The following SRGAP1 variants were observed in gnomAD, a reference collection of about 807,000 sequenced individuals.
The protein encoded by SRGAP1 is SLIT-ROBO Rho GTPase activating protein 1, also known as SLIT-ROBO Rho GTPase-activating protein 1.
SRGAP1 carries 43 observed loss-of-function variants against 121.9 expected under a neutral mutation model. The ratio of observed to expected loss-of-function variants is 0.35; its 90% CI spans 0.28 to 0.46. SRGAP1 has a LOEUF of 0.46. Among genes scored for constraint, SRGAP1 ranks in the 20% least tolerant of loss-of-function variants. SRGAP1 has a pLI of 1.00. For missense variants in SRGAP1, 1,102 were observed against 1,350.9 expected (o/e 0.82, Z 2.89); for synonymous variants, 447 against 485.4 (o/e 0.92, Z 1.04).
chr12:64,129,749 G>A (rs1413057451), intron 21 of SRGAP1, among the ~76,000 whole-genome samples: 5 of 152,186 alleles, frequency 3.3e-5, no homozygotes, highest in Non-Finnish European at 7.3e-5. Flanking sequence ...ATGCTGATAG[G>A]AAGTCAATAT....
Position 64,142,318 on chromosome 12 carries a change from A to C in SRGAP1, c.2904A>C (p.Thr968=), listed in dbSNP as rs1173305004. Reference sequence around the variant, plus strand: ...AGGATATTGAAGAAACGATGAACACAGCTTTGAATGAACTCCGAGAACTGG... The same window carrying C: ...AGGATATTGAAGAAACGATGAACACCGCTTTGAATGAACTCCGAGAACTGG... ...IAQDIEETMN[T]ALNELRELER... The change falls in exon 22 of 22, where the codon ACA becomes ACC. Residue 968 remains threonine, a synonymous_variant. Transcript: ENST00000355086. 1 of 1,613,876 alleles carries C rather than the reference A, an allele frequency of 6.2e-7. No individual in the cohort carries two copies. Among genetic ancestry groups the C allele is most frequent in the East Asian group, 2.2e-5 (1 of 44,868 alleles).
At chr12:63,971,280 A>C (rs2032940208) in intron 1 of SRGAP1, among the ~76,000 whole-genome samples, 1 of 152,230 alleles carries the variant, frequency 6.6e-6, no homozygotes. Flanking sequence ...TGATAATTAT[A>C]CAACTAATAG....
At position 63,845,034 on chromosome 12, in the gene SRGAP1, C is replaced by T. The variant is rs76897723; in HGVS notation, c.67+151C>T. ...TGAGCCACCTGGGCTTCCTACAAGC[C>T]AGTTAGTTCCCAGTTGCAATCCCAG... On this transcript the variant is annotated intron_variant, in intron 1 of 21. Coordinates refer to ENST00000355086, the MANE Select transcript of SRGAP1 (RefSeq NM_020762.4). 1.8e-3 allele frequency: 1,389 copies of T among 753,510 alleles called. 10 individuals are homozygous for T. In the African/African-American group the frequency reaches 0.019, roughly 10 times the overall value. 46.7% of individuals were successfully genotyped at this position (753,510 alleles called of 1,614,324 possible).
At chr12:63,902,226 T>C (rs1592930765) in intron 1 of SRGAP1, among the ~76,000 whole-genome samples, 1 of 152,122 alleles carries the variant, frequency 6.6e-6, no homozygotes, top group South Asian at 2.1e-4. Context: ...CCCATTCCAA[T>C]GAACTGTAGG....
At chr12:64,078,201 T>C (rs1404587690) in intron 8 of SRGAP1, among the ~76,000 whole-genome samples, 3 of 152,196 alleles carry the variant, frequency 2.0e-5, no homozygotes, top group Admixed American at 6.5e-5. Context: ...AGCAATTCTA[T>C]TCATATATGT....
intron 6 of SRGAP1, among the ~76,000 whole-genome samples, chr12:64,060,591 T>C (rs1361895324): frequency 6.6e-6 from 1 of 152,192 alleles, no homozygotes; most frequent in Non-Finnish European, 1.5e-5. Context: ...GATTTTAGAA[T>C]ATCTTTACAT....
chr12:64,052,665 C>T lies in SRGAP1; in HGVS notation c.801+9090C>T, dbSNP rs1183219776. Among the ~76,000 whole-genome samples, 2 of 151,940 alleles carry T rather than the reference C, an allele frequency of 1.3e-5. 1 individual carries two copies. The highest frequency in any genetic ancestry group is 2.9e-5 in the Non-Finnish European group (2 of 67,996). On this transcript the variant is annotated intron_variant, in intron 6 of 21. Coordinates refer to ENST00000355086, the MANE Select transcript of SRGAP1 (RefSeq NM_020762.4). ...AATTAGTAAAATGATAGATATATGC[C>T]TTAAATATGTTTAATCTAAAGCTCA...
At chr12:63,913,867 T>C (rs1252549214) in intron 1 of SRGAP1, among the ~76,000 whole-genome samples, 1 of 151,984 alleles carries the variant, frequency 6.6e-6, no homozygotes, top group Non-Finnish European at 1.5e-5. Context: ...TAATTTTTAT[T>C]TTTTTTTCTA....
chr12:63,891,566 T>C (rs557635048), intron 1 of SRGAP1, among the ~76,000 whole-genome samples: 3 of 152,316 alleles, frequency 2.0e-5, no homozygotes, highest in Admixed American at 1.3e-4. Flanking sequence ...TCCCTTCACA[T>C]ACTGCTAGCA....
chr12:63,976,102 T>C (rs2033086572), intron 1 of SRGAP1, among the ~76,000 whole-genome samples: 1 of 152,210 alleles, frequency 6.6e-6, no homozygotes. Flanking sequence ...GCATCCTCCA[T>C]TGAGGTCCTG....
At chr12:64,112,217 G>T (rs112104765) in intron 17 of SRGAP1, among the ~76,000 whole-genome samples, 330 of 152,208 alleles carry the variant, frequency 2.2e-3, no homozygotes, top group African/African-American at 7.0e-3. Flanking sequence ...CCCTATCGTG[G>T]TTTTTGTAGA....
intron 8 of SRGAP1, among the ~76,000 whole-genome samples, chr12:64,070,971 T>C (rs993209020): frequency 6.6e-6 from 1 of 152,172 alleles, no homozygotes; most frequent in Admixed American, 6.5e-5. Flanking sequence ...TTAAGTATAA[T>C]TGCTGTTTTG....
Position 64,091,264 on chromosome 12 carries a change from C to G in SRGAP1, c.1437-12C>G. ...TTCTGCCATGCTCAGTAATTATATTCCCTTCCCTTAGGCCTCCAAATGTTC... is the reference window on the plus strand; with the variant it reads ...TTCTGCCATGCTCAGTAATTATATTGCCTTCCCTTAGGCCTCCAAATGTTC... On this transcript the variant is annotated splice_polypyrimidine_tract_variant and intron_variant, in intron 11 of 21. Coordinates refer to ENST00000355086, the MANE Select transcript of SRGAP1 (RefSeq NM_020762.4). The G allele has an allele frequency of 6.4e-7, 1 of 1,551,808 alleles. No homozygotes were observed.
At chr12:63,930,041 A>G (rs1374025402) in intron 1 of SRGAP1, among the ~76,000 whole-genome samples, 1 of 152,194 alleles carries the variant, frequency 6.6e-6, no homozygotes, top group African/African-American at 2.4e-5. Context: ...AAGTCAGGAA[A>G]CAATAGATGC....
chr12:64,055,550 A>G (rs1040676940), intron 6 of SRGAP1, among the ~76,000 whole-genome samples: 1 of 151,346 alleles, frequency 6.6e-6, no homozygotes, highest in Non-Finnish European at 1.5e-5. Context: ...CGCCAAGTCA[A>G]TCCTAAGCCA....
intron 12 of SRGAP1, among the ~76,000 whole-genome samples, chr12:64,092,968 AT>A (rs2036082500): frequency 6.6e-6 from 1 of 152,192 alleles, no homozygotes; most frequent in Non-Finnish European, 1.5e-5. Flanking sequence ...ATCATGGAAA[AT>A]TCACTTATAG....
chr12:63,900,458 C>A (rs1209624885), intron 1 of SRGAP1, among the ~76,000 whole-genome samples: 1 of 151,846 alleles, frequency 6.6e-6, no homozygotes, highest in African/African-American at 2.4e-5. Context: ...CCCGCCTCAG[C>A]CTCCCAAAGT....
rs531033459 is a variant in SRGAP1 at position 64,040,744 on chromosome 12, CTTGT to C, written c.490-2043_490-2040del. ...GTACCGTTATAAAAATAATGAATAG[CTTGT>C]TTATTATTTAAGAAAATATTTATTA... On this transcript the variant is annotated intron_variant, in intron 4 of 21. Transcript: ENST00000355086. 4.6e-3 allele frequency among the ~76,000 whole-genome samples: 706 copies of C among 152,124 alleles called. 6 individuals carry two copies. The highest frequency in any genetic ancestry group is 0.016 in the African/African-American group (650 of 41,488).
chr12:64,161,968 A>G lies in SRGAP1; in HGVS notation c.*19296A>G, dbSNP rs1025996777. The G allele has an allele frequency of 1.3e-5, 2 of 152,248 alleles. No homozygotes were observed. Among genetic ancestry groups the G allele is most frequent in the Admixed American group, 6.5e-5 (1 of 15,288 alleles). The allele number at this position is 152,248 out of a possible 1,614,324, so 9.4% of individuals were successfully genotyped here. ...ATTACGTGAAATAAGCCAGTCATAAACCACATATTGTGTATATTTTATCCA... is the reference window on the plus strand; with the variant it reads ...ATTACGTGAAATAAGCCAGTCATAAGCCACATATTGTGTATATTTTATCCA... On this transcript the variant is annotated 3_prime_UTR_variant, in exon 22 of 22. Transcript: ENST00000355086.
Sources: allele counts gnomAD v4.1 joint callset (sites outside exome capture counted in the v4.1 genomes callset), GRCh38; gene constraint gnomAD v4.1.1; transcripts MANE v1.5; gene names NCBI Gene and HGNC (gene_info 2026-07-23, HGNC 2026-07-21).